NKAIN2: variants seen among roughly 807,000 people sequenced by gnomAD.
NKAIN2 encodes sodium/potassium transporting ATPase interacting 2.
Under a neutral mutation model 32.6 loss-of-function variants are expected in NKAIN2, and 14 were observed. That is an observed-to-expected ratio of 0.43 (90% confidence interval 0.28 to 0.67). The LOEUF (loss-of-function observed/expected upper bound fraction) is 0.67, where lower values mean the gene tolerates loss of function less well. NKAIN2 is among the 30% of genes least tolerant of loss of function. The probability of loss-of-function intolerance (pLI) is 0.17; values close to 1 mark genes in which losing one functional copy is unlikely to be tolerated. For missense variants in NKAIN2, 198 were observed against 258.3 expected (o/e 0.77, Z 1.60); for synonymous variants, 80 against 87.2 (o/e 0.92, Z 0.46).
At chr6:124,441,243 C>G (rs570029404) in intron 3 of NKAIN2, among the ~76,000 whole-genome samples, 1 of 152,040 alleles carries the variant, frequency 6.6e-6, no homozygotes, top group Non-Finnish European at 1.5e-5. Context: ...TCTCTAGACT[C>G]TAGTTCTGCA....
chr6:124,203,632 T>C (rs1438525057), intron 1 of NKAIN2, among the ~76,000 whole-genome samples: 1 of 151,640 alleles, frequency 6.6e-6, no homozygotes, highest in Non-Finnish European at 1.5e-5. Flanking sequence ...AAGGAGACAT[T>C]CAGTTCCAGT....
intron 2 of NKAIN2, among the ~76,000 whole-genome samples, chr6:124,295,356 T>C (rs1796003879): frequency 6.6e-6 from 1 of 152,156 alleles, no homozygotes; most frequent in African/African-American, 2.4e-5. Flanking sequence ...ATAAATTTAG[T>C]CAAAGGCATG....
chr6:123,872,827 A>G (rs1772965530), intron 1 of NKAIN2, among the ~76,000 whole-genome samples: 1 of 152,202 alleles, frequency 6.6e-6, no homozygotes, highest in Admixed American at 6.5e-5. Context: ...ATTGTCTAAA[A>G]GGTAAGTGTG....
chr6:123,982,979 A>ACCCCCCCCCCCCTCCCCCCCCC (rs779549224), intron 1 of NKAIN2, among the ~76,000 whole-genome samples: 1 of 78,346 alleles, frequency 1.3e-5, no homozygotes, highest in Non-Finnish European at 2.6e-5. Flanking sequence ...TTTCCTTACC[A>ACCCCCCCCCCCCTCCCCCCCCC]CCCCCACCCC....
intron 1 of NKAIN2, among the ~76,000 whole-genome samples, chr6:123,918,540 T>C (rs553301864): frequency 1.6e-4 from 24 of 152,328 alleles, no homozygotes; most frequent in African/African-American, 5.5e-4. Context: ...TGTTGGTTAA[T>C]TTTATGTGTC....
At chr6:124,654,081 T>C (rs1402249005) in intron 3 of NKAIN2, among the ~76,000 whole-genome samples, 1 of 152,098 alleles carries the variant, frequency 6.6e-6, no homozygotes, top group Admixed American at 6.6e-5. Context: ...ACTTCACACA[T>C]TTCATACTAG....
intron 1 of NKAIN2, among the ~76,000 whole-genome samples, chr6:124,123,636 T>C (rs112110552): frequency 2.6e-5 from 4 of 152,132 alleles, no homozygotes; most frequent in African/African-American, 9.6e-5. Flanking sequence ...GAACCTACTT[T>C]TGAGATTGGA....
intron 5 of NKAIN2, among the ~76,000 whole-genome samples, chr6:124,809,170 G>A (rs564467189): frequency 1.8e-4 from 27 of 152,046 alleles, no homozygotes; most frequent in Non-Finnish European, 2.6e-4. Flanking sequence ...AGCCTGCATC[G>A]CCAAGTCAAT....
chr6:124,157,377 C>T (rs545835296), intron 1 of NKAIN2, among the ~76,000 whole-genome samples: 2 of 151,844 alleles, frequency 1.3e-5, no homozygotes, highest in East Asian at 3.9e-4. Context: ...AATTATTTTA[C>T]TTTCCTTCTT....
At chr6:124,524,616 T>C (rs1338788844) in intron 3 of NKAIN2, among the ~76,000 whole-genome samples, 2 of 152,194 alleles carry the variant, frequency 1.3e-5, no homozygotes, top group Non-Finnish European at 2.9e-5. Context: ...CATATGTTGT[T>C]AGCCCCTTGT....
intron 3 of NKAIN2, among the ~76,000 whole-genome samples, chr6:124,382,865 A>C (rs546445916): frequency 2.0e-5 from 3 of 152,180 alleles, no homozygotes; most frequent in Non-Finnish European, 2.9e-5. Flanking sequence ...GAGAAGGAGA[A>C]ACAAAATTAC....
intron 1 of NKAIN2, among the ~76,000 whole-genome samples, chr6:124,174,503 T>A (rs1321125546): frequency 9.2e-5 from 14 of 152,060 alleles, no homozygotes; most frequent in Admixed American, 8.5e-4. Context: ...AATAAAAGCT[T>A]ATTTCTTGTT....
intron 1 of NKAIN2, among the ~76,000 whole-genome samples, chr6:124,016,343 C>G (rs1780572930): frequency 6.6e-6 from 1 of 152,088 alleles, no homozygotes; most frequent in Admixed American, 6.6e-5. Context: ...TTTAAATTGC[C>G]ATTTTTTATA....
intron 3 of NKAIN2, among the ~76,000 whole-genome samples, chr6:124,366,317 GT>G (rs1799515668): frequency 6.6e-6 from 1 of 152,034 alleles, no homozygotes; most frequent in South Asian, 2.1e-4. Flanking sequence ...TTATGAACAA[GT>G]TTAAGCCAAT....
Position 124,582,336 on chromosome 6 carries a change from T to A in NKAIN2, c.274-75850T>A, listed in dbSNP as rs911567880. ...ATATGAGCAACTGTATGCCAATAAC[T>A]TGCTCATATAAACTGGAATATTTAG... On this transcript the variant is annotated intron_variant, in intron 3 of 6. Coordinates refer to ENST00000368417, the MANE Select transcript of NKAIN2 (RefSeq NM_001040214.3). Among the ~76,000 whole-genome samples, 4 of 152,234 alleles carry A rather than the reference T, an allele frequency of 2.6e-5. No homozygotes were observed. The East Asian group carries it at 7.7e-4, about 29-fold the overall frequency.
chr6:123,854,824 T>C (rs1302791597), intron 1 of NKAIN2, among the ~76,000 whole-genome samples: 1 of 152,178 alleles, frequency 6.6e-6, no homozygotes, highest in Non-Finnish European at 1.5e-5. Flanking sequence ...CTTTATTAGG[T>C]CTTCAGGTTT....
intron 5 of NKAIN2, among the ~76,000 whole-genome samples, chr6:124,813,995 C>A (rs57227403): frequency 6.6e-6 from 1 of 152,152 alleles, no homozygotes; most frequent in South Asian, 2.1e-4. Context: ...ATAAAAGAAA[C>A]TGAAAACAGA....
chr6:124,454,217 A>T (rs1189063548), intron 3 of NKAIN2, among the ~76,000 whole-genome samples: 1 of 151,772 alleles, frequency 6.6e-6, no homozygotes, highest in African/African-American at 2.4e-5. Context: ...GTTTGTATTT[A>T]AAGGTTATTT....
chr6:123,904,066 A>T (rs569365354), intron 1 of NKAIN2, among the ~76,000 whole-genome samples: 1 of 152,046 alleles, frequency 6.6e-6, no homozygotes, highest in Non-Finnish European at 1.5e-5. Context: ...CGTCTCTACT[A>T]AAAATACAAA....
Sources: allele counts gnomAD v4.1 joint callset (sites outside exome capture counted in the v4.1 genomes callset), GRCh38; gene constraint gnomAD v4.1.1; transcripts MANE v1.5; gene names NCBI Gene and HGNC (gene_info 2026-07-23, HGNC 2026-07-21).